The following ATRN variants were observed in gnomAD, a reference collection of about 807,000 sequenced individuals.
The protein encoded by ATRN is attractin, also known as attractin-2.
Under a neutral mutation model 178.7 loss-of-function variants are expected in ATRN, and 54 were observed. That is an observed-to-expected ratio of 0.30 (90% confidence interval 0.24 to 0.38). The LOEUF (loss-of-function observed/expected upper bound fraction) is 0.38. Among genes scored for constraint, ATRN ranks in the 10% least tolerant of loss-of-function variants. The probability of loss-of-function intolerance (pLI) is 1.00; values close to 1 mark genes in which losing one functional copy is unlikely to be tolerated. For missense variants in ATRN, 1,443 were observed against 1,815.1 expected (o/e 0.79, Z 3.73); for synonymous variants, 636 against 663.0 (o/e 0.96, Z 0.63).
At chr20:3,630,651 C>T (rs1377522803) in intron 25 of ATRN, among the ~76,000 whole-genome samples, 1 of 152,084 alleles carries the variant, frequency 6.6e-6, no homozygotes, top group Non-Finnish European at 1.5e-5. Context: ...CCTGGGCGAC[C>T]GAATGACACT....
intron 1 of ATRN, among the ~76,000 whole-genome samples, chr20:3,518,702 C>T (rs1214497674): frequency 6.6e-6 from 1 of 152,152 alleles, no homozygotes; most frequent in Non-Finnish European, 1.5e-5. Flanking sequence ...CCTGTTTCAT[C>T]TGTACTCCTA....
chr20:3,609,714 ATGTGTGTGTGTG>A (rs34028518), intron 24 of ATRN, among the ~76,000 whole-genome samples: 5 of 146,224 alleles, frequency 3.4e-5, no homozygotes, highest in Admixed American at 6.8e-5. Context: ...GTATGTATGT[ATGTGTGTGTGTG>A]TGTGTGTGTG....
chr20:3,489,022 G>A (rs1221563643), intron 1 of ATRN, among the ~76,000 whole-genome samples: 5 of 152,038 alleles, frequency 3.3e-5, no homozygotes, highest in Non-Finnish European at 4.4e-5. Flanking sequence ...GTGCAGTGGC[G>A]TGATCTTGGC....
At chr20:3,603,039 C>G (rs1035585530) in intron 23 of ATRN, among the ~76,000 whole-genome samples, 3 of 143,268 alleles carry the variant, frequency 2.1e-5, no homozygotes, top group Non-Finnish European at 3.0e-5. Flanking sequence ...AATGTGGGCT[C>G]TAGTCACAGG....
chr20:3,582,408 T>C (rs2086294241), intron 16 of ATRN, 54 bp downstream of exon 16: 3 of 1,498,866 alleles, frequency 2.0e-6, no homozygotes, highest in South Asian at 2.3e-5. Context: ...AGAGAAACCA[T>C]AGGAGGCATA....
intron 7 of ATRN, among the ~76,000 whole-genome samples, chr20:3,560,173 G>A (rs2085931412): frequency 6.6e-6 from 1 of 151,670 alleles, no homozygotes; most frequent in Middle Eastern, 3.4e-3. Context: ...CCAGCCTCTG[G>A]TAACCACCAG....
At chr20:3,481,262 T>A (rs1481742474) in intron 1 of ATRN, among the ~76,000 whole-genome samples, 1 of 152,174 alleles carries the variant, frequency 6.6e-6, no homozygotes, top group Non-Finnish European at 1.5e-5. Context: ...TAACTGCTTT[T>A]CTTTTATCAC....
chr20:3,512,431 A>G (rs368173767), intron 1 of ATRN, among the ~76,000 whole-genome samples: 3 of 152,102 alleles, frequency 2.0e-5, no homozygotes, highest in Non-Finnish European at 4.4e-5. Context: ...TACAAAGGAC[A>G]TGAACTCATC....
intron 1 of ATRN, among the ~76,000 whole-genome samples, chr20:3,512,106 T>TG (rs2085138958): frequency 8.5e-6 from 1 of 118,156 alleles, no homozygotes; most frequent in Non-Finnish European, 1.7e-5. Flanking sequence ...TATATATATA[T>TG]ATTTTTTTTT....
rs374299269 is a variant in ATRN, at chr20:3,536,000, T to C, written c.494+664T>C. Among the ~76,000 whole-genome samples, 45 of 152,264 alleles carry C rather than the reference T, an allele frequency of 3.0e-4. No individual in the cohort carries two copies. The South Asian group carries it at 9.3e-3, about 32-fold the overall frequency. On this transcript the variant is annotated intron_variant, in intron 2 of 28. Transcript: ENST00000262919. ...CAATATTGTGTTATTTTTCTAAGTA[T>C]CTATTTTTGTTGTGGATAAGAAAAT...
At chr20:3,611,485 T>A (rs1282131985) in intron 24 of ATRN, among the ~76,000 whole-genome samples, 1 of 152,158 alleles carries the variant, frequency 6.6e-6, no homozygotes, top group Non-Finnish European at 1.5e-5. Context: ...ACACCTGAAA[T>A]CCCAGCACTT....
At chr20:3,523,349 G>A (rs2085321538) in intron 1 of ATRN, among the ~76,000 whole-genome samples, 1 of 151,886 alleles carries the variant, frequency 6.6e-6, no homozygotes, top group African/African-American at 2.4e-5. Flanking sequence ...AATAAAGCAT[G>A]AAGACAAGAT....
intron 1 of ATRN, among the ~76,000 whole-genome samples, chr20:3,522,969 A>C (rs1331169134): frequency 6.6e-6 from 1 of 152,186 alleles, no homozygotes; most frequent in East Asian, 1.9e-4. Context: ...AACCAGCGCA[A>C]AAAGGCTGAA....
intron 1 of ATRN, among the ~76,000 whole-genome samples, chr20:3,471,922 G>A (rs1418265073): frequency 6.6e-6 from 1 of 152,222 alleles, no homozygotes; most frequent in Non-Finnish European, 1.5e-5. Flanking sequence ...CCTAGGACCC[G>A]ATGAGTTCCC....
At chr20:3,512,756 C>G (rs1339751468) in intron 1 of ATRN, among the ~76,000 whole-genome samples, 1 of 152,194 alleles carries the variant, frequency 6.6e-6, no homozygotes, top group African/African-American at 2.4e-5. Flanking sequence ...TCTCCACATC[C>G]TCTCCAGCAC....
chr20:3,579,544 C>T (rs17782370), intron 15 of ATRN, among the ~76,000 whole-genome samples: 5,810 of 152,152 alleles, frequency 0.038, 148 homozygotes, highest in Non-Finnish European at 0.056. Flanking sequence ...CTTTCATAGC[C>T]CAGCCATCTC....
chr20:3,606,459 TGTG>T (rs10615989), intron 24 of ATRN, among the ~76,000 whole-genome samples: 25,349 of 152,098 alleles, frequency 0.17, 2,613 homozygotes, highest in Middle Eastern at 0.3. Flanking sequence ...ATGTGGGACT[TGTG>T]GTGCCACATC....
At chr20:3,530,482 C>T (rs1447203534) in intron 1 of ATRN, among the ~76,000 whole-genome samples, 2 of 149,166 alleles carry the variant, frequency 1.3e-5, no homozygotes, top group East Asian at 3.9e-4. Flanking sequence ...GTTTTTGCCA[C>T]GTTGGCTAGG....
At chr20:3,525,804 T>A (rs1052503053) in intron 1 of ATRN, among the ~76,000 whole-genome samples, 29 of 152,118 alleles carry the variant, frequency 1.9e-4, no homozygotes, top group African/African-American at 6.5e-4. Context: ...CAAAAACACA[T>A]GATTATCTCA....
Sources: allele counts gnomAD v4.1 joint callset (sites outside exome capture counted in the v4.1 genomes callset), GRCh38; gene constraint gnomAD v4.1.1; transcripts MANE v1.5; gene names NCBI Gene and HGNC (gene_info 2026-07-23, HGNC 2026-07-21).